Variants in MED12L observed in about 807,000 individuals in gnomAD.
The protein encoded by MED12L is mediator of RNA polymerase II transcription subunit 12-like protein.
Under a neutral mutation model 281.3 loss-of-function variants are expected in MED12L, and 60 were observed. The ratio of observed to expected loss-of-function variants is 0.21; its 90% CI spans 0.17 to 0.26. The LOEUF (loss-of-function observed/expected upper bound fraction) is 0.26, where lower values mean the gene tolerates loss of function less well. Among genes scored for constraint, MED12L ranks in the 10% least tolerant of loss-of-function variants. The pLI, the probability that MED12L is intolerant of heterozygous loss-of-function variation, is 1.00. For synonymous variants in MED12L, 974 were observed against 987.2 expected (o/e 0.99, Z 0.25); for missense variants, 2,146 against 2,680.9 (o/e 0.80, Z 4.41).
chr3:151,217,068 G>A (rs552514901), intron 16 of MED12L, among the ~76,000 whole-genome samples: 7 of 152,120 alleles, frequency 4.6e-5, no homozygotes, highest in East Asian at 1.9e-4. Flanking sequence ...ATAAAAAACT[G>A]TAGCTGTTAT....
chr3:151,436,156 A>ATTTTC lies in MED12L; in HGVS notation c.*3353_*3357dup, dbSNP rs1720162156. 1 of 152,210 alleles carries ATTTTC rather than the reference A, an allele frequency of 6.6e-6. No homozygotes were observed. The highest frequency in any genetic ancestry group is 2.4e-5 in the African/African-American group (1 of 41,418). The allele number at this position is 152,210 out of a possible 1,614,324, so 9.4% of individuals were successfully genotyped here. A position where few individuals can be genotyped will look rare whatever the true frequency, so the allele number is the denominator to read the frequency against. ...ATTTTTGTATTCCCCATCAATGAAA[A>ATTTTC]TTTTCAGTGTGAACAAATGGTGAAT... On this transcript the variant is annotated 3_prime_UTR_variant, in exon 45 of 45. Coordinates refer to ENST00000687756, the MANE Select transcript of MED12L (RefSeq NM_001393769.1).
rs77165983 is a variant in MED12L, at chr3:151,277,838, T to C, written c.2251-72221T>C. Among the ~76,000 whole-genome samples the C allele has an allele frequency of 7.9e-5, 12 of 152,364 alleles. No individual in the cohort carries two copies. The East Asian group carries it at 2.3e-3, about 29-fold the overall frequency. Reference sequence around the variant, plus strand: ...ATAAAAACTTTTACCTATATAAGTGTATGTACAAGTAAATGCAACTATATA... The same window carrying C: ...ATAAAAACTTTTACCTATATAAGTGCATGTACAAGTAAATGCAACTATATA... On this transcript the variant is annotated intron_variant, in intron 16 of 44. Transcript: ENST00000687756.
chr3:151,377,722 A>C (rs1711511601), intron 30 of MED12L, among the ~76,000 whole-genome samples: 1 of 152,184 alleles, frequency 6.6e-6, no homozygotes, highest in Non-Finnish European at 1.5e-5. Context: ...TTGTTGGACA[A>C]AGTGATTGTT....
At chr3:151,221,601 GGTGCAAGCCTCAAGC>G (rs1273181801) in intron 16 of MED12L, among the ~76,000 whole-genome samples, 3 of 152,188 alleles carry the variant, frequency 2.0e-5, no homozygotes, top group Non-Finnish European at 4.4e-5. Flanking sequence ...GGCTTCAGAG[GGTGCAAGCCTCAAGC>G]CTTGGCAGCT....
At chr3:151,189,368 T>C (rs903380259) in intron 13 of MED12L, among the ~76,000 whole-genome samples, 1 of 152,052 alleles carries the variant, frequency 6.6e-6, no homozygotes, top group Non-Finnish European at 1.5e-5. Flanking sequence ...GGAGGAGTAA[T>C]TCATGGAAAA....
chr3:151,104,905 C>CGGAA (rs1721812889), intron 2 of MED12L, among the ~76,000 whole-genome samples: 1 of 152,194 alleles, frequency 6.6e-6, no homozygotes, highest in Non-Finnish European at 1.5e-5. Flanking sequence ...CCATCCCTTC[C>CGGAA]ATATGTGGAC....
chr3:151,238,599 T>C (rs146449321), intron 16 of MED12L, among the ~76,000 whole-genome samples: 4 of 152,218 alleles, frequency 2.6e-5, no homozygotes, highest in Non-Finnish European at 5.9e-5. Flanking sequence ...GCAAAAGCCA[T>C]GATGTGTAAA....
At chr3:151,208,749 T>C (rs182065043) in intron 16 of MED12L, among the ~76,000 whole-genome samples, 10 of 152,224 alleles carry the variant, frequency 6.6e-5, no homozygotes, top group Admixed American at 5.9e-4. Context: ...GAGGGCCATG[T>C]TTTCTTGGTG....
intron 16 of MED12L, among the ~76,000 whole-genome samples, chr3:151,216,460 G>A (rs1358046575): frequency 6.6e-6 from 1 of 152,192 alleles, no homozygotes; most frequent in Admixed American, 6.5e-5. Context: ...ATAAAAAATA[G>A]TACATCCATG....
intron 16 of MED12L, among the ~76,000 whole-genome samples, chr3:151,208,993 A>G: frequency 6.6e-6 from 1 of 152,200 alleles, no homozygotes. Flanking sequence ...CAGGTCCCCA[A>G]AACACATGAT....
intron 2 of MED12L, among the ~76,000 whole-genome samples, chr3:151,088,903 C>T (rs986284891): frequency 6.6e-6 from 1 of 152,132 alleles, no homozygotes; most frequent in African/African-American, 2.4e-5. Flanking sequence ...CCCCTTTCCC[C>T]CAAGGCAGCC....
At chr3:151,159,308 A>G (rs1344841217) in intron 7 of MED12L, among the ~76,000 whole-genome samples, 1 of 152,248 alleles carries the variant, frequency 6.6e-6, no homozygotes, top group Non-Finnish European at 1.5e-5. Flanking sequence ...TTCAAGGAAG[A>G]TGGAAGAATA....
chr3:151,149,004 G>A (rs557541693), intron 5 of MED12L, among the ~76,000 whole-genome samples: 1 of 152,316 alleles, frequency 6.6e-6, no homozygotes, highest in East Asian at 1.9e-4. Flanking sequence ...CCTTTTAGGT[G>A]TGCAGTGGTG....
In MED12L at chr3:151,413,141, T is replaced by C; in HGVS notation, c.6143T>C (p.Leu2048Pro). 6.2e-7 allele frequency: 1 copy of C among 1,611,294 alleles called. No individual in the cohort carries two copies. The highest frequency in any genetic ancestry group is 8.5e-7 in the Non-Finnish European group (1 of 1,177,638). The change falls in exon 42 of 45, where the codon CTG becomes CCG. Residue 2048 changes from leucine (L) to proline (P), a missense_variant and splice_region_variant. Physicochemically the swap from Leu to Pro is moderately conservative, Grantham distance 98 (BLOSUM62 -3). Transcript: ENST00000687756. ...CAAGTTGCATTATTCTTTGCCAGACTGAACCATCAGGCTCTACAGCAGAGC... is the reference window on the plus strand; with the variant it reads ...CAAGTTGCATTATTCTTTGCCAGACCGAACCATCAGGCTCTACAGCAGAGC... ...YLQPLTGSQR[L>P]NHQALQQSPL...
At chr3:151,214,153 C>G in intron 16 of MED12L, 2 of 1,614,148 alleles carry the variant, frequency 1.2e-6, no homozygotes, top group South Asian at 1.1e-5. Flanking sequence ...GATGATGAAA[C>G]TCTTAGAGCT....
At chr3:151,189,264 G>A (rs1723657755) in intron 13 of MED12L, among the ~76,000 whole-genome samples, 1 of 152,160 alleles carries the variant, frequency 6.6e-6, no homozygotes, top group Non-Finnish European at 1.5e-5. Context: ...CTGCAGGTGA[G>A]GTTCTTTGAG....
rs538137794 is a variant in MED12L, at chr3:151,222,942, A to G, written c.2250+29276A>G. On this transcript the variant is annotated intron_variant, in intron 16 of 44. Transcript: ENST00000687756. The stretch of plus-strand genomic sequence containing the variant: ...ATTTCATCATAATCTTCCCATCTTT[A>G]TGGTCTCTTGGAAATGTAAATTGGT... Among the ~76,000 whole-genome samples, 3 of 152,202 alleles carry G rather than the reference A, an allele frequency of 2.0e-5. No homozygotes were observed. In the East Asian group the frequency reaches 5.8e-4, roughly 29 times the overall value.
At chr3:151,309,404 C>A (rs1747184196) in intron 16 of MED12L, among the ~76,000 whole-genome samples, 1 of 152,154 alleles carries the variant, frequency 6.6e-6, no homozygotes, top group Admixed American at 6.5e-5. Context: ...CCTCTTCTGT[C>A]ACAGTCTTCA....
At chr3:151,383,642 AAAGAT>A (rs1400416306) in intron 33 of MED12L, 132 bp from the exon 34 acceptor site, 4 of 589,324 alleles carry the variant, frequency 6.8e-6, no homozygotes, top group Middle Eastern at 3.0e-4. Flanking sequence ...GTAAAAGAGA[AAAGAT>A]AAGGTAATCT....
Sources: allele counts gnomAD v4.1 joint callset (sites outside exome capture counted in the v4.1 genomes callset), GRCh38; gene constraint gnomAD v4.1.1; transcripts MANE v1.5; gene names NCBI Gene and HGNC (gene_info 2026-07-23, HGNC 2026-07-21).